Variants in EPC2 observed in about 807,000 individuals in gnomAD.
The protein encoded by EPC2 is enhancer of polycomb homolog 2.
Under a neutral mutation model 92.1 loss-of-function variants are expected in EPC2, and 14 were observed. The ratio of observed to expected loss-of-function variants is 0.15; its 90% CI spans 0.10 to 0.24. EPC2 has a LOEUF of 0.24. Among genes scored for constraint, EPC2 ranks in the 10% least tolerant of loss-of-function variants. The probability of loss-of-function intolerance (pLI) is 1.00; values close to 1 mark genes in which losing one functional copy is unlikely to be tolerated. For missense variants in EPC2, 755 were observed against 971.5 expected (o/e 0.78, Z 2.96); for synonymous variants, 340 against 334.7 (o/e 1.02, Z -0.17).
intron 2 of EPC2, among the ~76,000 whole-genome samples, chr2:148,700,424 T>A (rs575605176): frequency 6.6e-6 from 1 of 152,232 alleles, no homozygotes; most frequent in South Asian, 2.1e-4. Flanking sequence ...TATATCTAGA[T>A]TCATTTTTTT....
intron 1 of EPC2, among the ~76,000 whole-genome samples, chr2:148,661,680 C>T (rs1223678139): frequency 6.8e-6 from 1 of 146,802 alleles, no homozygotes; most frequent in Non-Finnish European, 1.5e-5. Flanking sequence ...TTTATAATAG[C>T]ATATAATACA....
chr2:148,647,421 C>T (rs1683825573), intron 1 of EPC2, among the ~76,000 whole-genome samples: 1 of 151,870 alleles, frequency 6.6e-6, no homozygotes, highest in African/African-American at 2.4e-5. Flanking sequence ...GATTTTCCTG[C>T]CTCAGCCTCC....
intron 10 of EPC2, among the ~76,000 whole-genome samples, chr2:148,773,437 G>C (rs1184249235): frequency 6.6e-6 from 1 of 151,858 alleles, no homozygotes; most frequent in South Asian, 2.1e-4. Flanking sequence ...CCTCAATACA[G>C]TACCATTTCT....
At chr2:148,748,831 G>T (rs1056662366) in intron 3 of EPC2, among the ~76,000 whole-genome samples, 1 of 151,940 alleles carries the variant, frequency 6.6e-6, no homozygotes, top group Admixed American at 6.6e-5. Flanking sequence ...AATTGATTTT[G>T]GAGCATTTCA....
intron 1 of EPC2, among the ~76,000 whole-genome samples, chr2:148,668,549 A>C (rs1681096632): frequency 6.6e-6 from 1 of 152,212 alleles, no homozygotes; most frequent in African/African-American, 2.4e-5. Context: ...GGTAAAATTC[A>C]CCAGTGAAAC....
At chr2:148,648,950 T>A in intron 1 of EPC2, among the ~76,000 whole-genome samples, 1 of 152,218 alleles carries the variant, frequency 6.6e-6, no homozygotes. Context: ...GCATCCTCCT[T>A]TAACTTGGTC....
At chr2:148,767,191 C>G (rs1322502381) in intron 7 of EPC2, among the ~76,000 whole-genome samples, 32 of 89,830 alleles carry the variant, frequency 3.6e-4, no homozygotes, top group Non-Finnish European at 1.8e-4. Flanking sequence ...GAGCAAGACC[C>G]TGTTTCAAAA....
intron 2 of EPC2, among the ~76,000 whole-genome samples, chr2:148,737,595 C>A (rs899101275): frequency 2.6e-5 from 4 of 152,092 alleles, no homozygotes; most frequent in African/African-American, 9.7e-5. Flanking sequence ...AGTCCACAGG[C>A]TCTCTGAAGC....
rs555506701 is a variant in EPC2, at chr2:148,744,997, C to T, written c.459+1230C>T. The stretch of plus-strand genomic sequence containing the variant: ...ATTTAGCCTATCAGTTTGCCCCCCC[C>T]CCCCGCACCATTTTGATGAAAAATA... On this transcript the variant is annotated intron_variant, in intron 3 of 13. Transcript: ENST00000258484. 5.3e-4 allele frequency among the ~76,000 whole-genome samples: 66 copies of T among 124,942 alleles called. 10 individuals are homozygous for T. Among genetic ancestry groups the T allele is most frequent in the African/African-American group, 1.7e-3 (63 of 37,080 alleles). 82.0% of individuals were successfully genotyped at this position (124,942 alleles called of 152,430 possible).
intron 1 of EPC2, among the ~76,000 whole-genome samples, chr2:148,689,038 A>G (rs917918032): frequency 2.6e-5 from 4 of 152,220 alleles, no homozygotes; most frequent in African/African-American, 9.6e-5. Flanking sequence ...CTCTGCTAAG[A>G]TAAGACTGGA....
rs139883334 is a variant in EPC2 at position 148,720,833 on chromosome 2, C to T, written c.314-22789C>T. Among the ~76,000 whole-genome samples the T allele has an allele frequency of 1.1e-3, 167 of 152,244 alleles. 1 individual carries two copies. Among genetic ancestry groups the T allele is most frequent in the African/African-American group, 3.7e-3 (155 of 41,542 alleles). ...GCTGTTTCCCTGATAAGTCTCAATG[C>T]GACTACCTGGATTATTTCAGTTGAA... On this transcript the variant is annotated intron_variant, in intron 2 of 13. Transcript: ENST00000258484.
chr2:148,753,807 C>CTA, intron 3 of EPC2, 120 bp from the exon 4 acceptor site: 1 of 694,978 alleles, frequency 1.4e-6, no homozygotes, highest in Non-Finnish European at 2.4e-6. Context: ...TCTTCACTTA[C>CTA]TATAATATTA....
chr2:148,686,776 T>G (rs1239351417), intron 1 of EPC2, among the ~76,000 whole-genome samples: 1 of 152,208 alleles, frequency 6.6e-6, no homozygotes, highest in Non-Finnish European at 1.5e-5. Context: ...TAATTTTTTT[T>G]TCCCTGAGCA....
chr2:148,714,975 C>A (rs911056718), intron 2 of EPC2, among the ~76,000 whole-genome samples: 36 of 148,310 alleles, frequency 2.4e-4, no homozygotes, highest in Non-Finnish European at 4.4e-4. Context: ...GTCATGAAAT[C>A]TTCGCCCATG....
At chr2:148,745,310 T>C (rs1682963912) in intron 3 of EPC2, among the ~76,000 whole-genome samples, 1 of 152,120 alleles carries the variant, frequency 6.6e-6, no homozygotes, top group African/African-American at 2.4e-5. Context: ...AAACTACTCA[T>C]AGTGGCTGAG....
chr2:148,704,311 A>G (rs892399521), intron 2 of EPC2, among the ~76,000 whole-genome samples: 7 of 152,216 alleles, frequency 4.6e-5, no homozygotes, highest in Non-Finnish European at 8.8e-5. Context: ...TAGAGTAATC[A>G]GAATCATAGA....
chr2:148,733,267 C>G (rs150578612), intron 2 of EPC2, among the ~76,000 whole-genome samples: 1 of 151,576 alleles, frequency 6.6e-6, no homozygotes, highest in East Asian at 1.9e-4. Flanking sequence ...TCCTTAGTAG[C>G]CTTTGCTGAT....
chr2:148,715,844 C>G (rs1005696912), intron 2 of EPC2, among the ~76,000 whole-genome samples: 2 of 152,248 alleles, frequency 1.3e-5, no homozygotes, highest in South Asian at 2.1e-4. Context: ...ATTGATTCTT[C>G]CCACCCATGA....
chr2:148,662,839 A>T (rs1381317116), intron 1 of EPC2, among the ~76,000 whole-genome samples: 1 of 151,518 alleles, frequency 6.6e-6, no homozygotes, highest in Non-Finnish European at 1.5e-5. Context: ...TTTTTTAAAA[A>T]CTCTTTAGTT....
Sources: gnomAD v4.1 joint callset for allele counts (sites outside exome capture counted in the v4.1 genomes callset) on GRCh38, gnomAD v4.1.1 for gene constraint, MANE v1.5 for transcripts, NCBI Gene and HGNC (gene_info 2026-07-23, HGNC 2026-07-21) for gene names.